The following NPAS3 variants were observed in gnomAD, a reference collection of about 807,000 sequenced individuals.
NPAS3 encodes neuronal PAS domain-containing protein 3.
A neutral mutation model predicts 73.1 loss-of-function variants in NPAS3; 14 were observed. The observed-to-expected ratio is 0.19, with a 90% CI of 0.13 to 0.30. NPAS3 has a LOEUF of 0.30. Among genes scored for constraint, NPAS3 ranks in the 10% least tolerant of loss-of-function variants. The pLI is 1.00. For synonymous variants in NPAS3, 620 were observed against 541.5 expected (o/e 1.14, Z -2.01); for missense variants, 1,096 against 1,250.0 (o/e 0.88, Z 1.86).
intron 1 of NPAS3, among the ~76,000 whole-genome samples, chr14:32,973,871 G>A (rs1184349592): frequency 6.6e-6 from 1 of 152,092 alleles, no homozygotes; most frequent in Non-Finnish European, 1.5e-5. Flanking sequence ...TCTATCACAA[G>A]GAAGCCTAGT....
At chr14:33,496,486 A>T (rs2052196828) in intron 4 of NPAS3, among the ~76,000 whole-genome samples, 1 of 152,166 alleles carries the variant, frequency 6.6e-6, no homozygotes, top group South Asian at 2.1e-4. Flanking sequence ...GCAGCACATC[A>T]AAAAGCTTAT....
At chr14:33,729,912 G>A (rs1015129011) in intron 6 of NPAS3, among the ~76,000 whole-genome samples, 2 of 151,934 alleles carry the variant, frequency 1.3e-5, no homozygotes, top group African/African-American at 4.8e-5. Context: ...AAATCCTCTG[G>A]GATAATTTCT....
At chr14:33,750,702 T>C (rs1595550592) in intron 7 of NPAS3, among the ~76,000 whole-genome samples, 1 of 152,204 alleles carries the variant, frequency 6.6e-6, no homozygotes, top group Non-Finnish European at 1.5e-5. Flanking sequence ...TCAATACTGA[T>C]TGTGTACCTG....
At chr14:33,206,415 A>C (rs926756087) in intron 2 of NPAS3, among the ~76,000 whole-genome samples, 11 of 152,156 alleles carry the variant, frequency 7.2e-5, no homozygotes, top group Admixed American at 2.0e-4. Context: ...ATCCAGGGAA[A>C]GCCCTCTCTA....
intron 4 of NPAS3, among the ~76,000 whole-genome samples, chr14:33,457,777 G>A (rs1372289925): frequency 6.6e-6 from 1 of 152,140 alleles, no homozygotes; most frequent in African/African-American, 2.4e-5. Context: ...CTCTGGGCTT[G>A]CCTTGACAAG....
chr14:33,012,996 G>C (rs755629118), intron 1 of NPAS3, among the ~76,000 whole-genome samples: 2 of 152,174 alleles, frequency 1.3e-5, no homozygotes, highest in African/African-American at 2.4e-5. Context: ...GAATAGATGG[G>C]TTTTCTGACT....
intron 1 of NPAS3, among the ~76,000 whole-genome samples, chr14:32,960,078 G>A (rs943520344): frequency 5.4e-4 from 81 of 150,364 alleles, no homozygotes; most frequent in Non-Finnish European, 6.0e-4. Context: ...AGGGAACTTT[G>A]GAAGAGAAGT....
At chr14:33,439,203 C>T (rs189257694) in intron 4 of NPAS3, among the ~76,000 whole-genome samples, 19 of 152,194 alleles carry the variant, frequency 1.2e-4, no homozygotes, top group Admixed American at 1.0e-3. Context: ...ATTTATTCTA[C>T]ATGGTGGATT....
chr14:32,937,131 G>C (rs145066691), upstream of NPAS3, among the ~76,000 whole-genome samples: 1,059 of 152,114 alleles, frequency 7.0e-3, 11 homozygotes, highest in African/African-American at 0.024. Flanking sequence ...AGAGTGAGCC[G>C]TGTAGGTCAA....
intron 4 of NPAS3, among the ~76,000 whole-genome samples, chr14:33,398,407 T>TAAAA (rs57064212): frequency 7.0e-6 from 1 of 142,836 alleles, no homozygotes. Flanking sequence ...TATTTTCCTT[T>TAAAA]AAAAAAAAAA....
intron 3 of NPAS3, among the ~76,000 whole-genome samples, chr14:33,261,107 A>G (rs937264295): frequency 1.3e-5 from 2 of 152,010 alleles, no homozygotes; most frequent in Non-Finnish European, 2.9e-5. Context: ...GTTTATTTCA[A>G]TGCTAGCAAT....
At chr14:33,594,410 C>T (rs981376997) in intron 5 of NPAS3, among the ~76,000 whole-genome samples, 1 of 152,206 alleles carries the variant, frequency 6.6e-6, no homozygotes, top group East Asian at 1.9e-4. Flanking sequence ...ATGAATATCT[C>T]AATTTATGGT....
At chr14:33,048,063 G>A (rs1166180763) in intron 1 of NPAS3, among the ~76,000 whole-genome samples, 3 of 152,176 alleles carry the variant, frequency 2.0e-5, no homozygotes, top group African/African-American at 7.2e-5. Context: ...CTTAGAGAAG[G>A]AATTTTTGAA....
At chr14:33,667,096 T>A (rs2059472667) in intron 5 of NPAS3, among the ~76,000 whole-genome samples, 1 of 152,254 alleles carries the variant, frequency 6.6e-6, no homozygotes, top group African/African-American at 2.4e-5. Context: ...TATTTTAACA[T>A]GCAATCAGTA....
chr14:33,141,118 C>T (rs1437404381), intron 2 of NPAS3, among the ~76,000 whole-genome samples: 1 of 152,200 alleles, frequency 6.6e-6, no homozygotes, highest in African/African-American at 2.4e-5. Flanking sequence ...CAGTGATTGG[C>T]ACCTGCAGTC....
At chr14:33,523,144 A>T (rs1401494610) in intron 4 of NPAS3, among the ~76,000 whole-genome samples, 5 of 152,106 alleles carry the variant, frequency 3.3e-5, no homozygotes, top group Non-Finnish European at 5.9e-5. Flanking sequence ...AACAAAAAGT[A>T]AGTTAAGGCA....
At chr14:33,586,241 G>GTTTTTTTGTTTTTTTTTTTTTTT (rs1237735843) in intron 5 of NPAS3, among the ~76,000 whole-genome samples, 2 of 148,726 alleles carry the variant, frequency 1.3e-5, no homozygotes, top group African/African-American at 5.0e-5. Flanking sequence ...GCAATCAGAT[G>GTTTTTTTGTTTTTTTTTTTTTTT]TTTTATTGAC....
chr14:33,061,457 A>T (rs2041096556), intron 2 of NPAS3, among the ~76,000 whole-genome samples: 1 of 152,200 alleles, frequency 6.6e-6, no homozygotes, highest in South Asian at 2.1e-4. Flanking sequence ...AAGCCTTTCG[A>T]TATCCAAATG....
chr14:33,611,048 A>G (rs1352414755), intron 5 of NPAS3: 6 of 152,220 alleles, frequency 3.9e-5, no homozygotes, highest in East Asian at 1.9e-4. Context: ...CGTTCAGTTC[A>G]TAACTGCTGC....
Sources: gnomAD v4.1 joint callset for allele counts (sites outside exome capture counted in the v4.1 genomes callset) on GRCh38, gnomAD v4.1.1 for gene constraint, MANE v1.5 for transcripts, NCBI Gene and HGNC (gene_info 2026-07-23, HGNC 2026-07-21) for gene names.